The following NFIA variants were observed in gnomAD, a reference collection of about 807,000 sequenced individuals.
The protein encoded by NFIA is nuclear factor 1 A-type.
In NFIA, 8 loss-of-function variants were observed where a neutral mutation model predicts 62.8. The observed-to-expected ratio is 0.13, with a 90% CI of 0.07 to 0.23. The LOEUF is 0.23. Ranked by LOEUF, NFIA falls within the 10% of genes least tolerant of loss-of-function variation. The pLI is 1.00. For missense variants in NFIA, 410 were observed against 642.1 expected (o/e 0.64, Z 3.91); for synonymous variants, 235 against 238.1 (o/e 0.99, Z 0.12).
At chr1:61,227,477 C>A (rs1490199238) in intron 2 of NFIA, among the ~76,000 whole-genome samples, 1 of 152,218 alleles carries the variant, frequency 6.6e-6, no homozygotes, top group Non-Finnish European at 1.5e-5. Context: ...AGCTTTACTC[C>A]TGAAAGGCGG....
intron 10 of NFIA, among the ~76,000 whole-genome samples, chr1:61,454,495 C>T (rs1017674637): frequency 2.6e-5 from 4 of 152,286 alleles, no homozygotes; most frequent in South Asian, 2.1e-4. Context: ...GCTGCATGGA[C>T]GCAAGCATGA....
intron 2 of NFIA, among the ~76,000 whole-genome samples, chr1:61,264,369 C>T (rs940260583): frequency 2.6e-5 from 4 of 151,974 alleles, no homozygotes; most frequent in African/African-American, 4.8e-5. Flanking sequence ...TTTGACTGAG[C>T]GTGGTGACTC....
At chr1:61,272,014 G>A (rs1012790983) in intron 2 of NFIA, among the ~76,000 whole-genome samples, 3 of 152,068 alleles carry the variant, frequency 2.0e-5, no homozygotes, top group African/African-American at 7.2e-5. Context: ...CCACAGTTGT[G>A]TACATTAATT....
At chr1:61,309,078 ATACTC>A (rs1659951498) in intron 3 of NFIA, among the ~76,000 whole-genome samples, 2 of 152,164 alleles carry the variant, frequency 1.3e-5, no homozygotes, top group South Asian at 4.1e-4. Context: ...ATGTCTGTGA[ATACTC>A]TATAGAGTTT....
At chr1:61,343,408 C>T (rs1662034928) in intron 4 of NFIA, among the ~76,000 whole-genome samples, 1 of 152,260 alleles carries the variant, frequency 6.6e-6, no homozygotes, top group Admixed American at 6.5e-5. Context: ...TCTCCTTCCG[C>T]CACCATGTAT....
chr1:61,180,700 G>A (rs1221362770), intron 2 of NFIA, among the ~76,000 whole-genome samples: 1 of 152,096 alleles, frequency 6.6e-6, no homozygotes, highest in African/African-American at 2.4e-5. Context: ...GTCTGATGGG[G>A]TCATGGTAAC....
chr1:61,227,735 G>A (rs920011939), intron 2 of NFIA, among the ~76,000 whole-genome samples: 1 of 152,142 alleles, frequency 6.6e-6, no homozygotes, highest in African/African-American at 2.4e-5. Context: ...TTTTTGGAAG[G>A]TAGATGAAGT....
chr1:61,096,722 T>G (rs1010510501), intron 2 of NFIA, among the ~76,000 whole-genome samples: 1 of 151,606 alleles, frequency 6.6e-6, no homozygotes, highest in Non-Finnish European at 1.5e-5. Flanking sequence ...CAGGCTAATT[T>G]TTGTATTTTG....
chr1:61,284,479 G>A (rs1174173483), intron 3 of NFIA, among the ~76,000 whole-genome samples: 2 of 151,526 alleles, frequency 1.3e-5, no homozygotes, highest in African/African-American at 4.8e-5. Flanking sequence ...ATCCTAGGCT[G>A]GGGGCTTCCC....
intron 9 of NFIA, among the ~76,000 whole-genome samples, chr1:61,418,583 A>G (rs1666464436): frequency 6.6e-6 from 1 of 152,214 alleles, no homozygotes; most frequent in Non-Finnish European, 1.5e-5. Context: ...TGTGTATTAT[A>G]CAGTTTTGTA....
intron 2 of NFIA, among the ~76,000 whole-genome samples, chr1:61,104,004 G>A (rs952458661): frequency 6.6e-6 from 1 of 152,080 alleles, no homozygotes; most frequent in Admixed American, 6.6e-5. Context: ...AGATGATTTG[G>A]TGATGATGGA....
chr1:61,099,947 A>G (rs1646479901), intron 2 of NFIA, among the ~76,000 whole-genome samples: 1 of 152,180 alleles, frequency 6.6e-6, no homozygotes, highest in Non-Finnish European at 1.5e-5. Flanking sequence ...ATAAGTGGTT[A>G]GGATTAGTAA....
chr1:61,375,402 A>G (rs1664101445), intron 6 of NFIA, among the ~76,000 whole-genome samples: 1 of 152,196 alleles, frequency 6.6e-6, no homozygotes. Context: ...GAGTGTAAAA[A>G]AGAGTCACAA....
At chr1:61,128,726 A>G (rs1647018888) in intron 2 of NFIA, among the ~76,000 whole-genome samples, 1 of 152,130 alleles carries the variant, frequency 6.6e-6, no homozygotes, top group South Asian at 2.1e-4. Context: ...ATGGACATTC[A>G]TGGACATGAA....
chr1:61,158,394 A>ATT lies in NFIA; in HGVS notation c.559+69716_559+69717dup, dbSNP rs371226157. On this transcript the variant is annotated intron_variant, in intron 2 of 10. Transcript: ENST00000403491. ...TAATAATTGGAATCCTACTACCCTG[A>ATT]TTTACTAATCATGCATTTGTACAAA... 2.8e-4 allele frequency among the ~76,000 whole-genome samples: 42 copies of ATT among 152,296 alleles called. 1 individual carries two copies. Among genetic ancestry groups the ATT allele is most frequent in the African/African-American group, 1.0e-3 (42 of 41,570 alleles).
intron 2 of NFIA, among the ~76,000 whole-genome samples, chr1:61,160,721 A>G (rs968627780): frequency 4.6e-5 from 7 of 152,242 alleles, no homozygotes; most frequent in African/African-American, 1.7e-4. Flanking sequence ...TGACTAATGC[A>G]GATGACTGTA....
intron 9 of NFIA, among the ~76,000 whole-genome samples, chr1:61,424,231 T>G (rs1359726447): frequency 6.6e-6 from 1 of 152,148 alleles, no homozygotes; most frequent in Non-Finnish European, 1.5e-5. Context: ...TGCTAAATCT[T>G]TCAAATGGAG....
chr1:61,438,701 A>G (rs928181037), intron 10 of NFIA, among the ~76,000 whole-genome samples: 4 of 152,086 alleles, frequency 2.6e-5, no homozygotes, highest in African/African-American at 9.7e-5. Flanking sequence ...GTGTCTTATA[A>G]TTTCATATTA....
In NFIA at chr1:61,338,967, T is replaced by C. The variant is rs1242278578; in HGVS notation, c.700+6381T>C. Among the ~76,000 whole-genome samples the C allele has an allele frequency of 3.3e-5, 5 of 152,190 alleles. 1 individual carries two copies. On this transcript the variant is annotated intron_variant, in intron 4 of 10. Coordinates refer to ENST00000403491, the MANE Select transcript of NFIA (RefSeq NM_001134673.4). ...TTCTTTCAAAAGAAACCATTTGGGC[T>C]CGAGCATTAAAGGAAGAAACAAAAA...
Sources: gnomAD v4.1 joint callset for allele counts (sites outside exome capture counted in the v4.1 genomes callset) on GRCh38, gnomAD v4.1.1 for gene constraint, MANE v1.5 for transcripts, NCBI Gene and HGNC (gene_info 2026-07-23, HGNC 2026-07-21) for gene names.